GPD2: variants seen among roughly 807,000 people sequenced by gnomAD.
The protein encoded by GPD2 is glycerol-3-phosphate dehydrogenase, mitochondrial.
Under a neutral mutation model 82.4 loss-of-function variants are expected in GPD2, and 54 were observed. That is an observed-to-expected ratio of 0.66 (90% CI 0.53 to 0.82). GPD2 has a LOEUF of 0.82. Ranked by LOEUF, GPD2 falls within the 40% of genes least tolerant of loss-of-function variation. GPD2 has a pLI of 0.00. For synonymous variants in GPD2, 288 were observed against 306.1 expected, an observed-to-expected ratio of 0.94 and a Z score of 0.62; for missense variants, 748 against 896.2, an observed-to-expected ratio of 0.83 and a Z score of 2.11.
At chr2:156,472,131 T>C (rs927111814) in intron 1 of GPD2, among the ~76,000 whole-genome samples, 8 of 152,228 alleles carry the variant, frequency 5.3e-5, no homozygotes, top group Non-Finnish European at 1.0e-4. Flanking sequence ...GATTTGTGTA[T>C]ATTTTTGGTC....
chr2:156,503,232 C>T (rs1684657177), intron 3 of GPD2, among the ~76,000 whole-genome samples: 1 of 152,162 alleles, frequency 6.6e-6, no homozygotes, highest in Admixed American at 6.6e-5. Flanking sequence ...TCAAATGCTC[C>T]TCTGGCTTTT....
intron 2 of GPD2, among the ~76,000 whole-genome samples, chr2:156,485,069 C>G (rs910290900): frequency 6.6e-6 from 1 of 152,176 alleles, no homozygotes; most frequent in South Asian, 2.1e-4. Flanking sequence ...CCAGGGCTAT[C>G]CATGTTGTCA....
At chr2:156,580,587 T>A (rs1251399275) in intron 16 of GPD2, among the ~76,000 whole-genome samples, 1 of 152,188 alleles carries the variant, frequency 6.6e-6, no homozygotes, top group Admixed American at 6.5e-5. Flanking sequence ...GAATGCCAGG[T>A]CTTGCTTGCA....
At chr2:156,509,928 C>T (rs571962426) in intron 3 of GPD2, among the ~76,000 whole-genome samples, 1 of 151,890 alleles carries the variant, frequency 6.6e-6, no homozygotes, top group East Asian at 1.9e-4. Context: ...CGCATGCCAC[C>T]ATGCCACCAT....
intron 5 of GPD2, among the ~76,000 whole-genome samples, chr2:156,512,615 A>G (rs750524149): frequency 4.6e-5 from 7 of 152,212 alleles, no homozygotes; most frequent in Non-Finnish European, 1.0e-4. Context: ...ATTTGCATTA[A>G]GGAACATAAG....
At chr2:156,485,837 C>A (rs886597729) in intron 2 of GPD2, among the ~76,000 whole-genome samples, 1 of 152,218 alleles carries the variant, frequency 6.6e-6, no homozygotes, top group Non-Finnish European at 1.5e-5. Context: ...TTAGCCATTA[C>A]ATATGTGTCT....
rs549763895 is a variant in GPD2, at chr2:156,534,081, G to T, written c.662-15527G>T. 6.6e-5 allele frequency among the ~76,000 whole-genome samples: 10 copies of T among 152,334 alleles called. No individual in the cohort carries two copies. The South Asian group carries it at 1.9e-3, about 28-fold the overall frequency. ...CAAATTGAAGGATGGTAAATGCGGG[G>T]TGTCTTATTTCCAGGTGGAGGTGGC... On this transcript the variant is annotated intron_variant, in intron 6 of 16. Transcript: ENST00000438166.
At chr2:156,544,820 A>G (rs1387156199) in intron 6 of GPD2, among the ~76,000 whole-genome samples, 1 of 152,168 alleles carries the variant, frequency 6.6e-6, no homozygotes, top group Non-Finnish European at 1.5e-5. Context: ...TGACACAACC[A>G]AAAGTTGCAA....
intron 3 of GPD2, among the ~76,000 whole-genome samples, chr2:156,503,109 G>A (rs1475144244): frequency 1.3e-5 from 2 of 152,120 alleles, no homozygotes; most frequent in African/African-American, 4.8e-5. Context: ...CTTGGCTGTG[G>A]TGCTGGTGCC....
chr2:156,411,544 G>A, the GPD2 span, among the ~76,000 whole-genome samples: 12 of 151,978 alleles, frequency 7.9e-5, no homozygotes, highest in African/African-American at 2.7e-4. Context: ...TTAAACTCCT[G>A]ACCTCATGTG....
chr2:156,453,785 G>A (rs1682696339), intron 1 of GPD2, among the ~76,000 whole-genome samples: 1 of 152,200 alleles, frequency 6.6e-6, no homozygotes, highest in South Asian at 2.1e-4. Flanking sequence ...GCTGAGGCAG[G>A]AGAATCGCTT....
chr2:156,559,242 T>C (rs976007930), intron 9 of GPD2, among the ~76,000 whole-genome samples: 27 of 152,158 alleles, frequency 1.8e-4, no homozygotes, highest in Admixed American at 1.4e-3. Flanking sequence ...TGAAGCTCCT[T>C]GAGGGTAAAG....
chr2:156,400,456 T>C, the GPD2 span, among the ~76,000 whole-genome samples: 2 of 152,160 alleles, frequency 1.3e-5, no homozygotes, highest in African/African-American at 4.8e-5. Flanking sequence ...CCGGCAGGCA[T>C]TGGGCACCCG....
the GPD2 span, among the ~76,000 whole-genome samples, chr2:156,419,644 A>C: frequency 6.6e-6 from 1 of 152,052 alleles, no homozygotes; most frequent in African/African-American, 2.4e-5. Flanking sequence ...CATAATCATC[A>C]TCCTCCTTAT....
At chr2:156,509,667 C>T (rs1483406814) in intron 3 of GPD2, among the ~76,000 whole-genome samples, 1 of 151,908 alleles carries the variant, frequency 6.6e-6, no homozygotes, top group Non-Finnish European at 1.5e-5. Context: ...CTAGTTATCC[C>T]TAGGAGATCT....
intron 1 of GPD2, among the ~76,000 whole-genome samples, chr2:156,457,814 T>C (rs989986218): frequency 4.6e-5 from 7 of 152,260 alleles, no homozygotes; most frequent in African/African-American, 1.4e-4. Flanking sequence ...GAGCTTATTG[T>C]AGATGCTCAG....
chr2:156,408,814 T>A, the GPD2 span, among the ~76,000 whole-genome samples: 8 of 151,904 alleles, frequency 5.3e-5, no homozygotes, highest in African/African-American at 1.7e-4. Flanking sequence ...TAGGCTATTG[T>A]GTTATGAGTT....
At chr2:156,502,085 C>T (rs1684603862) in intron 3 of GPD2, among the ~76,000 whole-genome samples, 2 of 141,274 alleles carry the variant, frequency 1.4e-5, no homozygotes, top group South Asian at 4.8e-4. Flanking sequence ...TATCCACTCC[C>T]CCCGATTTAT....
At chr2:156,436,163 C>T (rs1399170837), upstream of GPD2, among the ~76,000 whole-genome samples, 1 of 152,338 alleles carries the variant, frequency 6.6e-6, no homozygotes, top group South Asian at 2.1e-4. Context: ...CACACCCCCG[C>T]CAACCCCGGC....
Sources: allele counts gnomAD v4.1 joint callset (sites outside exome capture counted in the v4.1 genomes callset), GRCh38; gene constraint gnomAD v4.1.1; transcripts MANE v1.5; gene names NCBI Gene and HGNC (gene_info 2026-07-23, HGNC 2026-07-21).